Variants in ST18 observed in about 807,000 individuals in gnomAD.
ST18 encodes suppression of tumorigenicity 18 protein.
Under a neutral mutation model 110.0 loss-of-function variants are expected in ST18, and 50 were observed. The observed-to-expected ratio is 0.45, with a 90% CI of 0.36 to 0.58. The LOEUF (loss-of-function observed/expected upper bound fraction) is 0.58, where lower values mean the gene tolerates loss of function less well. Among genes scored for constraint, ST18 ranks in the 20% least tolerant of loss-of-function variants. The pLI, the probability that ST18 is intolerant of heterozygous loss-of-function variation, is 0.00. For missense variants in ST18, 1,306 were observed against 1,280.1 expected, an observed-to-expected ratio of 1.02 and a Z score of -0.31; for synonymous variants, 461 against 452.4, an observed-to-expected ratio of 1.02 and a Z score of -0.24.
At chr8:52,339,249 T>C (rs561610090) in intron 2 of ST18, among the ~76,000 whole-genome samples, 1 of 152,166 alleles carries the variant, frequency 6.6e-6, no homozygotes. Flanking sequence ...CAGTCCTTAC[T>C]ATGTGGACCC....
At chr8:52,283,756 C>T (rs368993053) in intron 2 of ST18, among the ~76,000 whole-genome samples, 1 of 152,138 alleles carries the variant, frequency 6.6e-6, no homozygotes, top group Non-Finnish European at 1.5e-5. Flanking sequence ...GTAAAGTGAA[C>T]TGTACGTCAC....
At chr8:52,210,896 C>A (rs988433613) in intron 8 of ST18, among the ~76,000 whole-genome samples, 1 of 152,144 alleles carries the variant, frequency 6.6e-6, no homozygotes, top group African/African-American at 2.4e-5. Context: ...AGAGGAATCA[C>A]AAGCTCAGTT....
intron 2 of ST18, among the ~76,000 whole-genome samples, chr8:52,301,010 A>G (rs929907754): frequency 6.6e-6 from 1 of 152,260 alleles, no homozygotes; most frequent in Non-Finnish European, 1.5e-5. Flanking sequence ...ATTTGTAAAT[A>G]TCAATGAAAC....
intron 22 of ST18, among the ~76,000 whole-genome samples, chr8:52,131,089 A>G (rs1179368679): frequency 2.0e-5 from 3 of 152,250 alleles, no homozygotes; most frequent in Non-Finnish European, 4.4e-5. Context: ...TAAACAAGCA[A>G]TTCCTGGAAG....
chr8:52,380,946 C>T (rs949581724), intron 2 of ST18, among the ~76,000 whole-genome samples: 3 of 152,162 alleles, frequency 2.0e-5, no homozygotes, highest in African/African-American at 7.2e-5. Context: ...TGTGAATGCT[C>T]ACAGGCAGGG....
At chr8:52,180,060 G>A in intron 9 of ST18, 62 bp downstream of exon 9, 2 of 1,531,602 alleles carry the variant, frequency 1.3e-6, no homozygotes, top group Non-Finnish European at 1.8e-6. Flanking sequence ...CACTCTACAT[G>A]AATTAGCACA....
At chr8:52,281,536 T>C (rs765862196) in intron 2 of ST18, among the ~76,000 whole-genome samples, 2 of 152,210 alleles carry the variant, frequency 1.3e-5, no homozygotes, top group Non-Finnish European at 2.9e-5. Context: ...ATTTGAAGAC[T>C]GGAGACACAA....
At chr8:52,198,770 G>A (rs1158986906) in intron 8 of ST18, among the ~76,000 whole-genome samples, 1 of 152,194 alleles carries the variant, frequency 6.6e-6, no homozygotes, top group Non-Finnish European at 1.5e-5. Context: ...CAAATAACTT[G>A]AAACAGAAAT....
chr8:52,291,638 G>A (rs926838463), intron 2 of ST18, among the ~76,000 whole-genome samples: 4 of 151,946 alleles, frequency 2.6e-5, no homozygotes, highest in Non-Finnish European at 4.4e-5. Context: ...TTTTGATTTA[G>A]AAAAAATATT....
chr8:52,361,779 G>T (rs781283311), intron 2 of ST18, among the ~76,000 whole-genome samples: 10 of 152,096 alleles, frequency 6.6e-5, no homozygotes. Context: ...AAATGCGTTT[G>T]GGATCATGCT....
At chr8:52,365,549 T>C (rs1827526681) in intron 2 of ST18, among the ~76,000 whole-genome samples, 1 of 145,998 alleles carries the variant, frequency 6.8e-6, no homozygotes, top group African/African-American at 2.6e-5. Context: ...TAATATATAC[T>C]GGTAACTTTT....
intron 2 of ST18, chr8:52,301,704 A>ATTAGTAGAAAAT (rs2095724974): frequency 1.3e-5 from 2 of 152,252 alleles, no homozygotes; most frequent in Non-Finnish European, 2.9e-5. Flanking sequence ...TCTATGAAAT[A>ATTAGTAGAAAAT]CTAGAAAGTC....
intron 2 of ST18, among the ~76,000 whole-genome samples, chr8:52,364,250 T>C (rs1040164333): frequency 6.6e-6 from 1 of 152,158 alleles, no homozygotes; most frequent in Admixed American, 6.5e-5. Flanking sequence ...TGCTTTTTTT[T>C]CATCCTCTAG....
At chr8:52,210,213 G>T (rs191095335) in intron 8 of ST18, 108 of 438,926 alleles carry the variant, frequency 2.5e-4, no homozygotes, top group African/African-American at 1.9e-3. Flanking sequence ...TATTCTACAG[G>T]GGACATAAAT....
chr8:52,150,259 TGTG>T (rs1476538261), intron 15 of ST18, among the ~76,000 whole-genome samples: 1 of 86,412 alleles, frequency 1.2e-5, no homozygotes, highest in Non-Finnish European at 2.1e-5. Context: ...TTTATGAAAA[TGTG>T]TGTGTGTGTG....
At chr8:52,227,412 T>G (rs1461783211) in intron 3 of ST18, among the ~76,000 whole-genome samples, 1 of 152,060 alleles carries the variant, frequency 6.6e-6, no homozygotes, top group South Asian at 2.1e-4. Context: ...GAGCACAGAC[T>G]TAGACCAGAC....
At chr8:52,344,214 C>A (rs1051699768) in intron 2 of ST18, among the ~76,000 whole-genome samples, 1 of 149,812 alleles carries the variant, frequency 6.7e-6, no homozygotes, top group East Asian at 2.0e-4. Context: ...AGTAGTTCAG[C>A]CAATTAATAA....
chr8:52,133,793 C>A (rs141508084), intron 19 of ST18, among the ~76,000 whole-genome samples: 1,628 of 151,844 alleles, frequency 0.011, 18 homozygotes, highest in Non-Finnish European at 0.015. Context: ...TGCAATGCTG[C>A]GATCTTGGCT....
chr8:52,263,010 G>A (rs1285694804), intron 2 of ST18, among the ~76,000 whole-genome samples: 1 of 152,210 alleles, frequency 6.6e-6, no homozygotes, highest in African/African-American at 2.4e-5. Context: ...CACATCTGTG[G>A]AGCCACCTCG....
Sources: gnomAD v4.1 joint callset for allele counts (sites outside exome capture counted in the v4.1 genomes callset) on GRCh38, gnomAD v4.1.1 for gene constraint, MANE v1.5 for transcripts, NCBI Gene and HGNC (gene_info 2026-07-23, HGNC 2026-07-21) for gene names.